Variants in CCBE1 observed in about 807,000 individuals in gnomAD.
The protein encoded by CCBE1 is collagen and calcium binding EGF domains 1, also known as collagen and calcium-binding EGF domain-containing protein 1.
In CCBE1, 37 loss-of-function variants were observed where a neutral mutation model predicts 50.0. That is an observed-to-expected ratio of 0.74 (90% CI 0.57 to 0.97). The LOEUF (loss-of-function observed/expected upper bound fraction) is 0.97. Ranked by LOEUF, CCBE1 falls within the 50% of genes least tolerant of loss-of-function variation. The probability of loss-of-function intolerance (pLI) is 0.00; values close to 1 mark genes in which losing one functional copy is unlikely to be tolerated. For synonymous variants in CCBE1, 234 were observed against 203.7 expected (o/e 1.15, Z -1.27); for missense variants, 538 against 523.8 (o/e 1.03, Z -0.26).
chr18:59,670,597 A>G (rs1019893879), intron 2 of CCBE1, among the ~76,000 whole-genome samples: 2 of 152,214 alleles, frequency 1.3e-5, no homozygotes, highest in Admixed American at 1.3e-4. Flanking sequence ...GGACCGGTCT[A>G]TCTCTTCCTT....
chr18:59,437,230 T>C (rs1008551673), intron 10 of CCBE1, among the ~76,000 whole-genome samples: 1 of 152,324 alleles, frequency 6.6e-6, no homozygotes, highest in Non-Finnish European at 1.5e-5. Flanking sequence ...CAAACACGCA[T>C]GTTCTGGGCT....
At chr18:59,498,474 A>G (rs1913460509) in intron 2 of CCBE1, among the ~76,000 whole-genome samples, 1 of 152,194 alleles carries the variant, frequency 6.6e-6, no homozygotes, top group Admixed American at 6.5e-5. Context: ...CCATATTGAG[A>G]CTTGCATTCT....
At chr18:59,460,160 C>T (rs1447722571) in intron 5 of CCBE1, among the ~76,000 whole-genome samples, 1 of 152,140 alleles carries the variant, frequency 6.6e-6, no homozygotes, top group African/African-American at 2.4e-5. Flanking sequence ...GTCCATTAGC[C>T]AGACAGCTTG....
At chr18:59,530,308 G>GA (rs35335533) in intron 2 of CCBE1, among the ~76,000 whole-genome samples, 3,549 of 149,404 alleles carry the variant, frequency 0.024, 90 homozygotes, top group East Asian at 0.12. Context: ...GTTCTCAACT[G>GA]AAAAAAAAAA....
intron 2 of CCBE1, among the ~76,000 whole-genome samples, chr18:59,495,712 A>G (rs1568170777): frequency 1.3e-5 from 2 of 151,916 alleles, no homozygotes; most frequent in Non-Finnish European, 2.9e-5. Context: ...GAAAAGGAAG[A>G]TGACCCTCTG....
intron 2 of CCBE1, among the ~76,000 whole-genome samples, chr18:59,678,721 C>T (rs893948940): frequency 9.2e-5 from 14 of 152,054 alleles, no homozygotes; most frequent in South Asian, 4.1e-4. Context: ...TTAATAGAGA[C>T]GGGGTTTCGC....
chr18:59,482,906 TG>T (rs1020455314), intron 2 of CCBE1, among the ~76,000 whole-genome samples: 2 of 151,580 alleles, frequency 1.3e-5, no homozygotes, highest in Non-Finnish European at 2.9e-5. Context: ...TATTTTTTTT[TG>T]TAACTATTAA....
In CCBE1 at chr18:59,645,760, G is replaced by A. The variant is rs188863783; in HGVS notation, c.212+50869C>T. Reference sequence around the variant, plus strand: ...AAGTATCAAAAGACAGGCTGGGCGCGGTGGCTCACGCCTATAATCCCAGCA... The same window carrying A: ...AAGTATCAAAAGACAGGCTGGGCGCAGTGGCTCACGCCTATAATCCCAGCA... On this transcript the variant is annotated intron_variant, in intron 2 of 10. Coordinates refer to ENST00000439986, the MANE Select transcript of CCBE1 (RefSeq NM_133459.4). Among the ~76,000 whole-genome samples, 855 of 152,266 alleles carry A rather than the reference G, an allele frequency of 5.6e-3. 5 individuals carry two copies. Among genetic ancestry groups the A allele is most frequent in the Non-Finnish European group, 9.4e-3 (641 of 68,020 alleles).
intron 3 of CCBE1, among the ~76,000 whole-genome samples, chr18:59,473,048 C>A (rs564437000): frequency 9.9e-5 from 15 of 152,168 alleles, no homozygotes; most frequent in African/African-American, 3.6e-4. Context: ...TATTACAGTT[C>A]GATGTGAGAT....
intron 7 of CCBE1, among the ~76,000 whole-genome samples, chr18:59,443,026 C>G (rs1040078149): frequency 1.3e-5 from 2 of 152,066 alleles, no homozygotes; most frequent in Non-Finnish European, 2.9e-5. Context: ...TTTTCAGAGG[C>G]CTGTATCGAC....
chr18:59,500,021 G>A (rs1407161362), intron 2 of CCBE1, among the ~76,000 whole-genome samples: 1 of 152,194 alleles, frequency 6.6e-6, no homozygotes, highest in Non-Finnish European at 1.5e-5. Flanking sequence ...GTCCACTTCT[G>A]GAAGACCCAG....
chr18:59,592,831 A>G (rs1157552452), intron 2 of CCBE1, among the ~76,000 whole-genome samples: 1 of 152,224 alleles, frequency 6.6e-6, no homozygotes, highest in African/African-American at 2.4e-5. Context: ...GTGCACAGTC[A>G]GCAAAATTCA....
At chr18:59,515,485 CAG>C (rs1164826301) in intron 2 of CCBE1, among the ~76,000 whole-genome samples, 2 of 152,264 alleles carry the variant, frequency 1.3e-5, no homozygotes, top group Admixed American at 6.5e-5. Context: ...CATGTCTTCT[CAG>C]AGTTACTATG....
At chr18:59,546,306 G>A (rs1032840368) in intron 2 of CCBE1, among the ~76,000 whole-genome samples, 31 of 152,280 alleles carry the variant, frequency 2.0e-4, no homozygotes, top group African/African-American at 5.8e-4. Context: ...ACTGTTACAC[G>A]GGGGCTTCCC....
At chr18:59,453,469 A>T (rs972135177) in intron 6 of CCBE1, among the ~76,000 whole-genome samples, 1 of 152,190 alleles carries the variant, frequency 6.6e-6, no homozygotes, top group East Asian at 1.9e-4. Flanking sequence ...GGTTAAATCT[A>T]TGTTTTATTC....
intron 2 of CCBE1, among the ~76,000 whole-genome samples, chr18:59,615,216 G>A (rs2053621167): frequency 6.6e-6 from 1 of 152,192 alleles, no homozygotes; most frequent in Admixed American, 6.5e-5. Context: ...CTGCTCTGAT[G>A]GTATAAACCG....
intron 2 of CCBE1, among the ~76,000 whole-genome samples, chr18:59,617,781 T>C (rs2053656369): frequency 6.6e-6 from 1 of 152,214 alleles, no homozygotes; most frequent in African/African-American, 2.4e-5. Flanking sequence ...ACTCTGGGAT[T>C]ACTAAAGCCA....
At chr18:59,627,545 A>G (rs1270455138) in intron 2 of CCBE1, among the ~76,000 whole-genome samples, 1 of 152,164 alleles carries the variant, frequency 6.6e-6, no homozygotes, top group Non-Finnish European at 1.5e-5. Context: ...TCAAGTTAAG[A>G]TGAGGTCACA....
intron 2 of CCBE1, chr18:59,564,006 T>C (rs1231312735): frequency 6.6e-6 from 1 of 152,024 alleles, no homozygotes; most frequent in African/African-American, 2.4e-5. Flanking sequence ...AGTAGAAAGT[T>C]CCAGAAGGCT....
Sources: gnomAD v4.1 joint callset for allele counts (sites outside exome capture counted in the v4.1 genomes callset) on GRCh38, gnomAD v4.1.1 for gene constraint, MANE v1.5 for transcripts, NCBI Gene and HGNC (gene_info 2026-07-23, HGNC 2026-07-21) for gene names.